Variants in SENP7 observed in about 807,000 individuals in gnomAD.
The protein encoded by SENP7 is sentrin-specific protease 7.
A neutral mutation model predicts 141.2 loss-of-function variants in SENP7; 64 were observed. That is an observed-to-expected ratio of 0.45 (90% CI 0.37 to 0.56). SENP7 has a LOEUF of 0.56. Ranked by LOEUF, SENP7 falls within the 20% of genes least tolerant of loss-of-function variation. The pLI, the probability that SENP7 is intolerant of heterozygous loss-of-function variation, is 0.00. For synonymous variants in SENP7, 382 were observed against 426.4 expected (o/e 0.90, Z 1.28); for missense variants, 1,025 against 1,212.2 (o/e 0.85, Z 2.29).
chr3:101,331,053 G>A (rs2059034953), intron 19 of SENP7, among the ~76,000 whole-genome samples: 2 of 152,116 alleles, frequency 1.3e-5, no homozygotes, highest in South Asian at 4.1e-4. Flanking sequence ...AAAAATGGGG[G>A]ATTTCAAGCA....
chr3:101,433,874 TCAA>T (rs1333365180), intron 4 of SENP7, among the ~76,000 whole-genome samples: 2 of 151,652 alleles, frequency 1.3e-5, no homozygotes, highest in African/African-American at 4.9e-5. Flanking sequence ...AGACAGAAAA[TCAA>T]CAAACAAACA....
At chr3:101,405,094 C>T (rs1026399580) in intron 5 of SENP7, among the ~76,000 whole-genome samples, 3 of 152,062 alleles carry the variant, frequency 2.0e-5, no homozygotes, top group Non-Finnish European at 1.5e-5. Flanking sequence ...AAGCTCGCAT[C>T]GTGAATTTTT....
In SENP7 at chr3:101,343,870, T is replaced by C; in HGVS notation, c.1922A>G (p.Glu641Gly). The C allele has an allele frequency of 6.2e-7, 1 of 1,613,342 alleles. No individual in the cohort carries two copies. ...TAATTCTCCACTGATTATACTTATT[T>C]CCGTCATAATATCTTTCAGCTTCAA... ...EELKLKDIMT[E>G]ISIISGELEL... The change falls in exon 14 of 24, where the codon GAA becomes GGA. Residue 641 changes from glutamate (E) to glycine (G), a missense_variant. Glu to Gly is a moderately conservative substitution (Grantham distance 98). Transcript: ENST00000394095.
At chr3:101,443,115 T>C (rs2062745584) in intron 4 of SENP7, among the ~76,000 whole-genome samples, 1 of 152,184 alleles carries the variant, frequency 6.6e-6, no homozygotes, top group Admixed American at 6.5e-5. Flanking sequence ...CCATCTTGAA[T>C]TGATTTTTGT....
At chr3:101,420,187 G>A (rs1444783337) in intron 4 of SENP7, among the ~76,000 whole-genome samples, 1 of 152,178 alleles carries the variant, frequency 6.6e-6, no homozygotes, top group East Asian at 1.9e-4. Flanking sequence ...CTAACATGGT[G>A]AAACCCCGTC....
At position 101,497,081 on chromosome 3, in the gene SENP7, C is replaced by T. The variant is rs74819817; in HGVS notation, c.91-3113G>A. ...CTAACACAACTTTATATATAAATTA[C>T]GGGATTAAGAAATAAGTAAATATAT... On this transcript the variant is annotated intron_variant, in intron 2 of 23. Coordinates refer to ENST00000394095, the MANE Select transcript of SENP7 (RefSeq NM_020654.5). Among the ~76,000 whole-genome samples the T allele has an allele frequency of 2.9e-4, 44 of 151,640 alleles. No homozygotes were observed. In the East Asian group the frequency reaches 7.7e-3, roughly 27 times the overall value.
rs536793207 is a variant in SENP7 at position 101,478,659 on chromosome 3, T to C, written c.186+15214A>G. ...AATCTTCTGAAACTATTCCAAACAA[T>C]AGAAGATGATGGAATTCTTCCTAAC... On this transcript the variant is annotated intron_variant, in intron 3 of 23. Coordinates refer to ENST00000394095, the MANE Select transcript of SENP7 (RefSeq NM_020654.5). 2.0e-4 allele frequency among the ~76,000 whole-genome samples: 31 copies of C among 152,244 alleles called. No individual in the cohort carries two copies. The East Asian group carries it at 3.7e-3, about 18-fold the overall frequency.
At chr3:101,420,840 A>G (rs958770233) in intron 4 of SENP7, among the ~76,000 whole-genome samples, 8 of 152,146 alleles carry the variant, frequency 5.3e-5, no homozygotes, top group South Asian at 4.1e-4. Context: ...ACTCCTCAAA[A>G]CTCAATGTGA....
At chr3:101,360,231 T>C (rs180732035) in intron 11 of SENP7, among the ~76,000 whole-genome samples, 1 of 152,272 alleles carries the variant, frequency 6.6e-6, no homozygotes, top group Non-Finnish European at 1.5e-5. Context: ...GGTGACTGTA[T>C]CACAAACTAC....
intron 13 of SENP7, 89 bp downstream of exon 13, chr3:101,347,783 G>T (rs909226717): frequency 2.3e-5 from 13 of 568,402 alleles, no homozygotes; most frequent in South Asian, 5.3e-5. Flanking sequence ...TCAATTCACT[G>T]AAATAACATT....
At chr3:101,409,362 G>A (rs555850065) in intron 5 of SENP7, among the ~76,000 whole-genome samples, 1 of 152,216 alleles carries the variant, frequency 6.6e-6, no homozygotes, top group Non-Finnish European at 1.5e-5. Context: ...TGACCATATT[G>A]CTACAAGCAA....
chr3:101,338,333 G>A (rs1205596345), intron 16 of SENP7, among the ~76,000 whole-genome samples: 1 of 152,068 alleles, frequency 6.6e-6, no homozygotes, highest in Non-Finnish European at 1.5e-5. Flanking sequence ...AAATATAAAA[G>A]TGAAATTGTG....
intron 16 of SENP7, among the ~76,000 whole-genome samples, chr3:101,338,060 G>C (rs2059234271): frequency 6.6e-6 from 1 of 151,648 alleles, no homozygotes; most frequent in African/African-American, 2.4e-5. Context: ...GGCTGAGGCA[G>C]GAGAATCACT....
At chr3:101,454,880 G>C (rs1396125337) in intron 4 of SENP7, among the ~76,000 whole-genome samples, 1 of 152,146 alleles carries the variant, frequency 6.6e-6, no homozygotes, top group Non-Finnish European at 1.5e-5. Context: ...GTTTCTTTTG[G>C]AGCATGATGG....
chr3:101,417,238 A>G (rs1041749290), intron 5 of SENP7, among the ~76,000 whole-genome samples: 1 of 152,142 alleles, frequency 6.6e-6, no homozygotes, highest in African/African-American at 2.4e-5. Flanking sequence ...ACATATATAC[A>G]CACACATTTA....
At chr3:101,483,252 G>T (rs1367167445) in intron 3 of SENP7, among the ~76,000 whole-genome samples, 2 of 152,132 alleles carry the variant, frequency 1.3e-5, no homozygotes. Flanking sequence ...ACCATGGAAT[G>T]CTATGCGGCC....
intron 3 of SENP7, among the ~76,000 whole-genome samples, chr3:101,472,817 TATGTC>T (rs1235700874): frequency 6.6e-6 from 1 of 151,970 alleles, no homozygotes; most frequent in Non-Finnish European, 1.5e-5. Context: ...TAGGTAAACT[TATGTC>T]ATGGGGGGTT....
chr3:101,500,972 C>T (rs1313117819), intron 2 of SENP7, 98 bp downstream of exon 2: 6 of 836,742 alleles, frequency 7.2e-6, no homozygotes, highest in Non-Finnish European at 1.1e-5. Context: ...AAGTTTTATA[C>T]TGTTTTCTTT....
intron 1 of SENP7, among the ~76,000 whole-genome samples, chr3:101,507,924 C>T (rs185310326): frequency 6.6e-6 from 1 of 151,862 alleles, no homozygotes; most frequent in East Asian, 2.0e-4. Context: ...TGGCACTCAC[C>T]TGTAGTCCTA....
Sources: gnomAD v4.1 joint callset for allele counts (sites outside exome capture counted in the v4.1 genomes callset) on GRCh38, gnomAD v4.1.1 for gene constraint, MANE v1.5 for transcripts, NCBI Gene and HGNC (gene_info 2026-07-23, HGNC 2026-07-21) for gene names.